The following JAKMIP1 variants were observed in gnomAD, a reference collection of about 807,000 sequenced individuals.
The protein encoded by JAKMIP1 is janus kinase and microtubule interacting protein 1.
JAKMIP1 carries 33 observed loss-of-function variants against 113.0 expected under a neutral mutation model. The observed-to-expected ratio is 0.29, with a 90% CI of 0.22 to 0.39. JAKMIP1 has a LOEUF of 0.39. Ranked by LOEUF, JAKMIP1 falls within the 10% of genes least tolerant of loss-of-function variation. JAKMIP1 has a pLI of 1.00. For missense variants in JAKMIP1, 813 were observed against 1,080.5 expected (o/e 0.75, Z 3.47); for synonymous variants, 480 against 459.9 (o/e 1.04, Z -0.56).
Position 6,042,297 on chromosome 4 carries a change from AC to A in JAKMIP1, c.2029-71del. On this transcript the variant is annotated intron_variant, in intron 16 of 20. Coordinates refer to ENST00000409021, the MANE Select transcript of JAKMIP1 (RefSeq NM_001099433.2). This position sits in a 1 kb window ranked among gnomAD's most constrained non-coding sequence, Gnocchi z 5.2. ...AGAACCCAAGGGGCTGTGGAATTTC[AC>A]AGGTGTGTGAATTTCATAGATCGGC... 7.9e-7 allele frequency: 1 copy of A among 1,260,586 alleles called. No individual in the cohort carries two copies. Among genetic ancestry groups the A allele is most frequent in the South Asian group, 1.2e-5 (1 of 83,672 alleles). The allele number at this position is 1,260,586 out of a possible 1,614,324, so 78.1% of individuals were successfully genotyped here.
Position 6,089,494 on chromosome 4 carries a change from TAC to T in JAKMIP1, c.625-3867_625-3866del, listed in dbSNP as rs1360372961. ...AAAGTGGACATCATTTACCCCAAGT[TAC>T]ACACAAACTTGAGGCCCAGAAAGGG... On this transcript the variant is annotated intron_variant, in intron 3 of 20. Transcript: ENST00000409021. The surrounding 1 kb of genome is among the most constrained non-coding windows in gnomAD (Gnocchi z 5.3). Among the ~76,000 whole-genome samples, 1 of 152,126 alleles carries T rather than the reference TAC, an allele frequency of 6.6e-6. No homozygotes were observed. The highest frequency in any genetic ancestry group is 6.5e-5 in the Admixed American group (1 of 15,272).
chr4:6,180,909 T>C lies in JAKMIP1; in HGVS notation c.-148+19344A>G, dbSNP rs1436970107. 6.6e-6 allele frequency among the ~76,000 whole-genome samples: 1 copy of C among 152,142 alleles called. No homozygotes were observed. Among genetic ancestry groups the C allele is most frequent in the African/African-American group, 2.4e-5 (1 of 41,438 alleles). On this transcript the variant is annotated intron_variant, in intron 1 of 20. Transcript: ENST00000409021. This position sits in a 1 kb window ranked among gnomAD's most constrained non-coding sequence, Gnocchi z 4.5. ...TACTTGCTGGCTCTTGGCCAACTCA[T>C]TGCATCATTTTGGAATCTCCCCTTT... is the stretch of plus-strand genomic sequence containing the variant.
In JAKMIP1 at chr4:6,076,929, G is replaced by A. The variant is rs947659527; in HGVS notation, c.1302+2010C>T. On this transcript the variant is annotated intron_variant, in intron 8 of 20. Coordinates refer to ENST00000409021, the MANE Select transcript of JAKMIP1 (RefSeq NM_001099433.2). The surrounding 1 kb of genome is among the most constrained non-coding windows in gnomAD (Gnocchi z 4.8). ...TGAGGCCAGGTGTGAAATTTCCCTG[G>A]CCTCATGTTGGTGCTGAGAAAGTTT... Among the ~76,000 whole-genome samples the A allele has an allele frequency of 6.6e-6, 1 of 152,090 alleles. No homozygotes were observed. The highest frequency in any genetic ancestry group is 1.5e-5 in the Non-Finnish European group (1 of 68,024).
chr4:6,173,329 T>C (rs1164044015), intron 1 of JAKMIP1, among the ~76,000 whole-genome samples: 1 of 152,142 alleles, frequency 6.6e-6, no homozygotes, highest in Non-Finnish European at 1.5e-5. Context: ...GAAGGAAAAT[T>C]GGTCTGCAAG....
chr4:6,148,031 A>G (rs371323858), intron 1 of JAKMIP1, among the ~76,000 whole-genome samples: 1 of 152,220 alleles, frequency 6.6e-6, no homozygotes, highest in Non-Finnish European at 1.5e-5. Flanking sequence ...ACCGTGTCTT[A>G]GTCATCTTTG....
chr4:6,147,538 T>C (rs1721004595), intron 1 of JAKMIP1, among the ~76,000 whole-genome samples: 1 of 152,174 alleles, frequency 6.6e-6, no homozygotes, highest in South Asian at 2.1e-4. Flanking sequence ...GAGCCTCCCA[T>C]TGTGTCACTC....
intron 1 of JAKMIP1, among the ~76,000 whole-genome samples, chr4:6,120,093 C>T (rs375084928): frequency 3.9e-5 from 6 of 152,008 alleles, no homozygotes; most frequent in Admixed American, 2.0e-4. Flanking sequence ...CAGGGGTCTC[C>T]GTGGAGAAAA....
intron 1 of JAKMIP1, among the ~76,000 whole-genome samples, chr4:6,133,389 T>G: frequency 6.6e-6 from 1 of 152,218 alleles, no homozygotes; most frequent in Non-Finnish European, 1.5e-5. Context: ...CCGTATTATT[T>G]ATACTTTCAG....
intron 1 of JAKMIP1, among the ~76,000 whole-genome samples, chr4:6,118,436 G>C (rs950900506): frequency 6.6e-6 from 1 of 152,158 alleles, no homozygotes; most frequent in Non-Finnish European, 1.5e-5. Flanking sequence ...GCTGGGACAA[G>C]GGGCATGTGG....
chr4:6,130,603 C>A (rs11729873), intron 1 of JAKMIP1, among the ~76,000 whole-genome samples: 3 of 151,966 alleles, frequency 2.0e-5, no homozygotes, highest in Non-Finnish European at 4.4e-5. Flanking sequence ...AAGAGAACTA[C>A]GATTAATATG....
At chr4:6,085,301 A>G (rs1442495162) in intron 4 of JAKMIP1, 119 bp downstream of exon 4, 1 of 864,378 alleles carries the variant, frequency 1.2e-6, no homozygotes, top group Non-Finnish European at 1.8e-6. Flanking sequence ...TCCAATACTG[A>G]GTGAATGAAT....
At position 6,136,031 on chromosome 4, in the gene JAKMIP1, A is replaced by G. The variant is rs1257695645; in HGVS notation, c.-147-23034T>C. On this transcript the variant is annotated intron_variant, in intron 1 of 20. Coordinates refer to ENST00000409021, the MANE Select transcript of JAKMIP1 (RefSeq NM_001099433.2). This position sits in a 1 kb window ranked among gnomAD's most constrained non-coding sequence, Gnocchi z 5.9. ...GAGGCCAAGGTGGGTGGATCACTTG[A>G]GGTCAGGAGTTCAAGATCAGCCTGG... Among the ~76,000 whole-genome samples the G allele has an allele frequency of 2.6e-5, 4 of 152,130 alleles. No individual in the cohort carries two copies. Among genetic ancestry groups the G allele is most frequent in the Non-Finnish European group, 4.4e-5 (3 of 68,012 alleles).
Position 6,150,936 on chromosome 4 carries a change from A to G in JAKMIP1, c.-147-37939T>C, listed in dbSNP as rs1381327079. Among the ~76,000 whole-genome samples, 1 of 152,090 alleles carries G rather than the reference A, an allele frequency of 6.6e-6. No homozygotes were observed. The highest frequency in any genetic ancestry group is 1.5e-5 in the Non-Finnish European group (1 of 68,020). The stretch of plus-strand genomic sequence containing the variant: ...GGTGACACACATTTACAACCCCACC[A>G]GTGGGTCCCTGTCATCCACCAAAAG... On this transcript the variant is annotated intron_variant, in intron 1 of 20. Coordinates refer to ENST00000409021, the MANE Select transcript of JAKMIP1 (RefSeq NM_001099433.2). The surrounding 1 kb of genome is among the most constrained non-coding windows in gnomAD (Gnocchi z 4.8).
intron 3 of JAKMIP1, among the ~76,000 whole-genome samples, chr4:6,091,033 C>T (rs1035591346): frequency 6.6e-6 from 1 of 152,228 alleles, no homozygotes; most frequent in Non-Finnish European, 1.5e-5. Flanking sequence ...AGTCCAAAAG[C>T]CTTCTTGCAT....
intron 1 of JAKMIP1, among the ~76,000 whole-genome samples, chr4:6,170,886 C>G (rs1724531035): frequency 6.7e-6 from 1 of 150,372 alleles, no homozygotes; most frequent in South Asian, 2.1e-4. Flanking sequence ...ACCTCCATCA[C>G]CTCCACCACC....
Position 6,094,444 on chromosome 4 carries a change from G to T in JAKMIP1, c.625-8815C>A, listed in dbSNP as rs1722528047. On this transcript the variant is annotated intron_variant, in intron 3 of 20. Transcript: ENST00000409021. This position sits in a 1 kb window ranked among gnomAD's most constrained non-coding sequence, Gnocchi z 4.2. ...GTGCTAAGAAAACAGCCTGGCCCCA[G>T]TGAGAGGGCTTGGCAGACAGGCATG... is the stretch of plus-strand genomic sequence containing the variant. Among the ~76,000 whole-genome samples the T allele has an allele frequency of 6.6e-6, 1 of 152,168 alleles. No homozygotes were observed. The highest frequency in any genetic ancestry group is 1.5e-5 in the Non-Finnish European group (1 of 68,034).
chr4:6,065,062 A>G lies in JAKMIP1; in HGVS notation c.1303-54T>C. ...CAACGACTGAGGATTGCCAGAGTCT[A>G]CCAGTCCCTGGTCGTGGGCATGCCA... is the stretch of plus-strand genomic sequence containing the variant. On this transcript the variant is annotated intron_variant, in intron 8 of 20. Coordinates refer to ENST00000409021, the MANE Select transcript of JAKMIP1 (RefSeq NM_001099433.2). This position sits in a 1 kb window ranked among gnomAD's most constrained non-coding sequence, Gnocchi z 5.1. The G allele has an allele frequency of 6.2e-7, 1 of 1,609,758 alleles. No homozygotes were observed. The highest frequency in any genetic ancestry group is 1.1e-5 in the South Asian group (1 of 90,912).
rs71173409 is a variant in JAKMIP1 at position 6,131,173 on chromosome 4, A to AAAAAAAAAAAAAAAAAG, written c.-147-18177_-147-18176insCTTTTTTTTTTTTTTTT. ...TAAGACCTTGCCTCCAAAAAAAAAA[A>AAAAAAAAAAAAAAAAAG]AATATCCCAGGACTATAAGACAACT... On this transcript the variant is annotated intron_variant, in intron 1 of 20. Coordinates refer to ENST00000409021, the MANE Select transcript of JAKMIP1 (RefSeq NM_001099433.2). 3.0e-4 allele frequency among the ~76,000 whole-genome samples: 29 copies of AAAAAAAAAAAAAAAAAG among 95,460 alleles called. 2 individuals carry two copies. The highest frequency in any genetic ancestry group is 4.5e-4 in the Non-Finnish European group (22 of 48,830). The allele number at this position is 95,460 out of a possible 152,430, so 62.6% of individuals were successfully genotyped here. A position where few individuals can be genotyped will look rare whatever the true frequency, so the allele number is the denominator to read the frequency against.
In JAKMIP1 at chr4:6,197,733, G is replaced by A. The variant is rs1445234301; in HGVS notation, c.-148+2520C>T. On this transcript the variant is annotated intron_variant, in intron 1 of 20. Coordinates refer to ENST00000409021, the MANE Select transcript of JAKMIP1 (RefSeq NM_001099433.2). The surrounding 1 kb of genome is among the most constrained non-coding windows in gnomAD (Gnocchi z 6.5). ...GCAGGGAGGCACTTGCCCAGTCACA[G>A]CTAAGTGAGGCAGGGCCTGAATGGG... is the stretch of plus-strand genomic sequence containing the variant. Among the ~76,000 whole-genome samples, 1 of 152,230 alleles carries A rather than the reference G, an allele frequency of 6.6e-6. No individual in the cohort carries two copies. The highest frequency in any genetic ancestry group is 1.5e-5 in the Non-Finnish European group (1 of 68,046).
Sources: gnomAD v4.1 joint callset for allele counts (sites outside exome capture counted in the v4.1 genomes callset) on GRCh38, gnomAD v4.1.1 for gene constraint, Gnocchi (gnomAD v3.1) non-coding constraint, MANE v1.5 for transcripts, NCBI Gene and HGNC (gene_info 2026-07-23, HGNC 2026-07-21) for gene names.